PRKN: variants seen among roughly 807,000 people sequenced by gnomAD.
PRKN encodes the protein parkin RBR E3 ubiquitin protein ligase.
PRKN carries 56 observed loss-of-function variants against 59.5 expected under a neutral mutation model. The ratio of observed to expected loss-of-function variants is 0.94; its 90% confidence interval spans 0.76 to 1.18. The LOEUF is 1.18. Among genes scored for constraint, PRKN ranks in the 50% most tolerant of loss-of-function variants. The probability of loss-of-function intolerance (pLI) is 0.00; values close to 1 mark genes in which losing one functional copy is unlikely to be tolerated. For synonymous variants in PRKN, 250 were observed against 222.1 expected (o/e 1.13, Z -1.12); for missense variants, 657 against 596.4 (o/e 1.10, Z -1.06).
rs187648107 is a variant in PRKN at position 162,316,816 on chromosome 6, T to C, written c.172-54051A>G. 1.5e-3 allele frequency among the ~76,000 whole-genome samples: 235 copies of C among 152,268 alleles called. 2 individuals carry two copies. The highest frequency in any genetic ancestry group is 6.8e-3 in the Middle Eastern group (2 of 294). ...TTTAAAAGGATCTCAGTATAGTTAA[T>C]GAAATAAGACATATTTATATGAAAA... On this transcript the variant is annotated intron_variant, in intron 2 of 11. Coordinates refer to ENST00000366898, the MANE Select transcript of PRKN (RefSeq NM_004562.3).
intron 4 of PRKN, among the ~76,000 whole-genome samples, chr6:162,057,075 T>C (rs974598922): frequency 1.2e-3 from 190 of 152,180 alleles, no homozygotes; most frequent in Non-Finnish European, 6.5e-4. Flanking sequence ...GGAGGTGGTC[T>C]TGGGGGCCCA....
intron 6 of PRKN, among the ~76,000 whole-genome samples, chr6:161,942,318 A>G (rs1425088449): frequency 6.6e-6 from 1 of 152,054 alleles, no homozygotes. Flanking sequence ...ATCGCCTGAG[A>G]TCAGGAGTTT....
chr6:161,917,527 A>T (rs1778615932), intron 6 of PRKN, among the ~76,000 whole-genome samples: 1 of 152,232 alleles, frequency 6.6e-6, no homozygotes, highest in Non-Finnish European at 1.5e-5. Context: ...AAGGTTTTAC[A>T]TGATGGATTA....
intron 4 of PRKN, among the ~76,000 whole-genome samples, chr6:162,145,972 T>A (rs1173185100): frequency 6.6e-6 from 1 of 152,218 alleles, no homozygotes; most frequent in African/African-American, 2.4e-5. Flanking sequence ...GACACTACTA[T>A]GCAAACGTAC....
At chr6:162,630,114 G>T (rs890640371) in intron 1 of PRKN, among the ~76,000 whole-genome samples, 1 of 152,074 alleles carries the variant, frequency 6.6e-6, no homozygotes, top group East Asian at 1.9e-4. Flanking sequence ...CATACTTTTC[G>T]AATCAAACAA....
chr6:161,826,180 C>A (rs1007786050), intron 6 of PRKN, among the ~76,000 whole-genome samples: 1 of 152,106 alleles, frequency 6.6e-6, no homozygotes, highest in Non-Finnish European at 1.5e-5. Flanking sequence ...CAAAACATGT[C>A]AGTACGGATG....
chr6:161,733,227 T>G (rs1005028752), intron 7 of PRKN, among the ~76,000 whole-genome samples: 1 of 152,156 alleles, frequency 6.6e-6, no homozygotes, highest in African/African-American at 2.4e-5. Context: ...GTCTTAAAAC[T>G]GATGGGAAAG....
chr6:161,510,097 C>T (rs1439676359), intron 9 of PRKN, among the ~76,000 whole-genome samples: 1 of 152,066 alleles, frequency 6.6e-6, no homozygotes, highest in African/African-American at 2.4e-5. Flanking sequence ...AAGACATATG[C>T]ATCGTTGAGA....
Position 161,458,571 on chromosome 6 carries a change from G to T in PRKN, c.1084-71694C>A, listed in dbSNP as rs1562462740. On this transcript the variant is annotated intron_variant, in intron 9 of 11. Coordinates refer to ENST00000366898, the MANE Select transcript of PRKN (RefSeq NM_004562.3). This position sits in a 1 kb window ranked among gnomAD's most constrained non-coding sequence, Gnocchi z 6.1. ...AATTATTTCCTTCCTACATTTAAAT[G>T]AACTATGATTACCCTTGATTTAATA... Among the ~76,000 whole-genome samples the T allele has an allele frequency of 6.6e-6, 1 of 152,186 alleles. No homozygotes were observed. Among genetic ancestry groups the T allele is most frequent in the Non-Finnish European group, 1.5e-5 (1 of 68,030 alleles).
chr6:162,025,969 G>T (rs1783419137), intron 5 of PRKN, among the ~76,000 whole-genome samples: 1 of 152,070 alleles, frequency 6.6e-6, no homozygotes, highest in Admixed American at 6.6e-5. Context: ...ACAAGCAGTT[G>T]CAAACCACTA....
At chr6:162,189,423 T>C (rs1390385347) in intron 4 of PRKN, among the ~76,000 whole-genome samples, 2 of 151,126 alleles carry the variant, frequency 1.3e-5, no homozygotes, top group Non-Finnish European at 3.0e-5. Flanking sequence ...ATTCTAAGAT[T>C]ATGGATAGGC....
At position 161,461,306 on chromosome 6, in the gene PRKN, G is replaced by A. The variant is rs1439182055; in HGVS notation, c.1084-74429C>T. On this transcript the variant is annotated intron_variant, in intron 9 of 11. Transcript: ENST00000366898. The surrounding 1 kb of genome is among the most constrained non-coding windows in gnomAD (Gnocchi z 5.1). ...AGTATAAGGTGTCGCTGGAGATGAG[G>A]GGGATGGTGGAGAGGGAGGGTAGGT... 1.3e-5 allele frequency among the ~76,000 whole-genome samples: 2 copies of A among 152,198 alleles called. No individual in the cohort carries two copies. Among genetic ancestry groups the A allele is most frequent in the Non-Finnish European group, 2.9e-5 (2 of 68,040 alleles).
intron 9 of PRKN, among the ~76,000 whole-genome samples, chr6:161,537,939 G>GA (rs1288785670): frequency 6.6e-6 from 1 of 152,116 alleles, no homozygotes; most frequent in Non-Finnish European, 1.5e-5. Flanking sequence ...GAGGAATTGG[G>GA]AAAAAATCGC....
At chr6:161,801,849 C>A (rs769782058) in intron 6 of PRKN, among the ~76,000 whole-genome samples, 3 of 152,064 alleles carry the variant, frequency 2.0e-5, no homozygotes, top group Non-Finnish European at 4.4e-5. Flanking sequence ...AATGAAGGGA[C>A]CCCTCTTTTT....
intron 9 of PRKN, among the ~76,000 whole-genome samples, chr6:161,389,078 C>T (rs940756683): frequency 3.3e-5 from 5 of 152,150 alleles, no homozygotes; most frequent in African/African-American, 4.8e-5. Flanking sequence ...TTGCTTAAGA[C>T]AGGACTGATT....
At chr6:161,950,390 C>T (rs928267317) in intron 6 of PRKN, among the ~76,000 whole-genome samples, 2 of 152,044 alleles carry the variant, frequency 1.3e-5, no homozygotes, top group Non-Finnish European at 2.9e-5. Context: ...ACAAAAAATA[C>T]AAAAATTAGC....
At chr6:161,436,330 C>T (rs966697109) in intron 9 of PRKN, among the ~76,000 whole-genome samples, 34 of 60,934 alleles carry the variant, frequency 5.6e-4, no homozygotes, top group Non-Finnish European at 1.1e-3. Context: ...GAGGAGGAGG[C>T]GGGATGGGAG....
chr6:161,897,839 C>T (rs997228101), intron 6 of PRKN, among the ~76,000 whole-genome samples: 22 of 149,964 alleles, frequency 1.5e-4, no homozygotes, highest in East Asian at 5.9e-4. Context: ...TAGTGGCGGG[C>T]GCCTGTAGTC....
chr6:161,771,374 AAAT>A (rs1239303369), intron 7 of PRKN, among the ~76,000 whole-genome samples: 46,902 of 129,914 alleles, frequency 0.36, 10,788 homozygotes, highest in Non-Finnish European at 0.47. Context: ...AAAAAAAATA[AAAT>A]AAAATAAAAT....
Sources: allele counts gnomAD v4.1 joint callset (sites outside exome capture counted in the v4.1 genomes callset), GRCh38; gene constraint gnomAD v4.1.1; non-coding constraint Gnocchi (gnomAD v3.1); transcripts MANE v1.5; gene names NCBI Gene and HGNC (gene_info 2026-07-23, HGNC 2026-07-21).